The following SNX7 variants were observed in gnomAD, a reference collection of about 807,000 sequenced individuals.
SNX7 encodes the protein sorting nexin-7.
Under a neutral mutation model 48.4 loss-of-function variants are expected in SNX7, and 35 were observed. The observed-to-expected ratio is 0.72, with a 90% CI of 0.55 to 0.96. SNX7 has a LOEUF of 0.96. Among genes scored for constraint, SNX7 ranks in the 40% least tolerant of loss-of-function variants. The probability of loss-of-function intolerance (pLI) is 0.00; values close to 1 mark genes in which losing one functional copy is unlikely to be tolerated. For missense variants in SNX7, 553 were observed against 548.9 expected (o/e 1.01, Z -0.07); for synonymous variants, 190 against 190.2 (o/e 1.00, Z 0.01).
intron 8 of SNX7, among the ~76,000 whole-genome samples, chr1:98,756,630 C>T (rs1191636772): frequency 6.6e-6 from 1 of 151,596 alleles, no homozygotes; most frequent in Admixed American, 6.6e-5. Context: ...ATGTGCCAGT[C>T]AGTACTCTGC....
chr1:98,719,680 G>A (rs758863720), intron 7 of SNX7, among the ~76,000 whole-genome samples: 5 of 151,280 alleles, frequency 3.3e-5, no homozygotes, highest in Non-Finnish European at 7.4e-5. Context: ...TATGAAGTCA[G>A]GTTTATCTAT....
chr1:98,678,768 G>A (rs1437036596), intron 1 of SNX7, among the ~76,000 whole-genome samples: 4 of 152,052 alleles, frequency 2.6e-5, no homozygotes, highest in Non-Finnish European at 5.9e-5. Flanking sequence ...CTGTGAATCT[G>A]TAGTCATATA....
chr1:98,661,687 G>A, upstream of SNX7: 1 of 1,196,798 alleles, frequency 8.4e-7, no homozygotes, highest in African/African-American at 1.6e-5. Flanking sequence ...CGGGGGAGCC[G>A]GGCTGGCGGC....
At chr1:98,725,667 G>A (rs1653126337) in intron 7 of SNX7, among the ~76,000 whole-genome samples, 1 of 151,460 alleles carries the variant, frequency 6.6e-6, no homozygotes, top group African/African-American at 2.4e-5. Flanking sequence ...ATTCTAAAGT[G>A]CTTTCAGATT....
intron 7 of SNX7, among the ~76,000 whole-genome samples, chr1:98,707,262 A>G (rs1652059576): frequency 6.6e-6 from 1 of 152,178 alleles, no homozygotes; most frequent in South Asian, 2.1e-4. Flanking sequence ...CCAACTTTTT[A>G]AACCATTTCT....
At chr1:98,706,030 G>A (rs778231386) in intron 7 of SNX7, among the ~76,000 whole-genome samples, 2 of 152,096 alleles carry the variant, frequency 1.3e-5, no homozygotes, top group African/African-American at 2.4e-5. Context: ...AAATCTGGAG[G>A]TGTGCAGCTT....
intron 8 of SNX7, among the ~76,000 whole-genome samples, chr1:98,755,901 T>G (rs1013442696): frequency 6.6e-6 from 1 of 152,042 alleles, no homozygotes; most frequent in Non-Finnish European, 1.5e-5. Context: ...AATGGTGTGT[T>G]TAGCATGTAG....
At chr1:98,703,332 CAA>C (rs1250938427) in intron 7 of SNX7, among the ~76,000 whole-genome samples, 4 of 152,100 alleles carry the variant, frequency 2.6e-5, no homozygotes, top group African/African-American at 7.2e-5. Flanking sequence ...AGTACAAATA[CAA>C]AGAGTCCTTG....
chr1:98,700,351 G>C (rs893901918), intron 6 of SNX7, among the ~76,000 whole-genome samples: 4 of 152,112 alleles, frequency 2.6e-5, no homozygotes, highest in African/African-American at 9.7e-5. Context: ...ATGAAAACCA[G>C]TGCTTCATCT....
At chr1:98,686,218 T>A (rs994452673) in intron 2 of SNX7, among the ~76,000 whole-genome samples, 1 of 152,186 alleles carries the variant, frequency 6.6e-6, no homozygotes, top group Non-Finnish European at 1.5e-5. Context: ...ATAGTTATTC[T>A]TCCTCTGTTT....
chr1:98,718,437 C>G (rs1035626360), intron 7 of SNX7, among the ~76,000 whole-genome samples: 4 of 152,014 alleles, frequency 2.6e-5, no homozygotes, highest in Admixed American at 1.3e-4. Flanking sequence ...TAATGTGTCC[C>G]TACAAATATT....
At chr1:98,723,201 G>A (rs1652977153) in intron 7 of SNX7, among the ~76,000 whole-genome samples, 1 of 152,256 alleles carries the variant, frequency 6.6e-6, no homozygotes, top group South Asian at 2.1e-4. Context: ...ACCCTGCTTT[G>A]TACATAAATG....
intron 7 of SNX7, among the ~76,000 whole-genome samples, chr1:98,726,308 G>A (rs1351135602): frequency 6.6e-6 from 1 of 152,158 alleles, no homozygotes; most frequent in Non-Finnish European, 1.5e-5. Context: ...AATACCCTAA[G>A]GCAACTGAGA....
At chr1:98,703,249 A>G (rs1328064248) in intron 7 of SNX7, among the ~76,000 whole-genome samples, 1 of 152,168 alleles carries the variant, frequency 6.6e-6, no homozygotes, top group Admixed American at 6.6e-5. Flanking sequence ...GGCTTGAAGC[A>G]TGAAGTCTCT....
chr1:98,723,709 C>T (rs4491080), intron 7 of SNX7, among the ~76,000 whole-genome samples: 151,030 of 152,002 alleles, frequency 0.99, 75,038 homozygotes, highest in Middle Eastern at 1. Flanking sequence ...CAAAAAAAAG[C>T]AGCTGGGTGT....
chr1:98,745,957 C>G (rs984601900), intron 8 of SNX7, among the ~76,000 whole-genome samples: 1 of 151,972 alleles, frequency 6.6e-6, no homozygotes, highest in Non-Finnish European at 1.5e-5. Flanking sequence ...TAACCTTGTC[C>G]TTTTAACCAA....
intron 2 of SNX7, among the ~76,000 whole-genome samples, chr1:98,689,859 G>A (rs1191140988): frequency 6.6e-6 from 1 of 152,096 alleles, no homozygotes; most frequent in East Asian, 1.9e-4. Context: ...TCCATATCAT[G>A]TACCATGTTG....
chr1:98,706,432 G>T (rs924158985), intron 7 of SNX7, among the ~76,000 whole-genome samples: 2 of 152,174 alleles, frequency 1.3e-5, no homozygotes, highest in African/African-American at 4.8e-5. Flanking sequence ...TTGCAGAAAT[G>T]AAGTGAGCAA....
At chr1:98,724,305 CT>C (rs1205893350) in intron 7 of SNX7, among the ~76,000 whole-genome samples, 1 of 151,936 alleles carries the variant, frequency 6.6e-6, no homozygotes, top group African/African-American at 2.4e-5. Context: ...TGCTCACTTT[CT>C]TTTTTAGGAC....
Sources: gnomAD v4.1 joint callset for allele counts (sites outside exome capture counted in the v4.1 genomes callset) on GRCh38, gnomAD v4.1.1 for gene constraint, MANE v1.5 for transcripts, NCBI Gene and HGNC (gene_info 2026-07-23, HGNC 2026-07-21) for gene names.